The following GRM8 variants were observed in gnomAD, a reference collection of about 807,000 sequenced individuals.
GRM8 encodes the protein metabotropic glutamate receptor 8.
GRM8 carries 47 observed loss-of-function variants against 87.2 expected under a neutral mutation model. That is an observed-to-expected ratio of 0.54 (90% CI 0.43 to 0.69). The LOEUF (loss-of-function observed/expected upper bound fraction) is 0.69. Ranked by LOEUF, GRM8 falls within the 30% of genes least tolerant of loss-of-function variation. GRM8 has a pLI of 0.00. For synonymous variants in GRM8, 396 were observed against 404.5 expected, an observed-to-expected ratio of 0.98 and a Z score of 0.25; for missense variants, 1,019 against 1,139.2, an observed-to-expected ratio of 0.89 and a Z score of 1.52.
At chr7:126,735,232 G>A (rs572749196) in intron 7 of GRM8, among the ~76,000 whole-genome samples, 50 of 152,012 alleles carry the variant, frequency 3.3e-4, no homozygotes, top group Non-Finnish European at 4.9e-4. Context: ...TTCTCAAAGA[G>A]ATTTTGACAA....
chr7:126,746,133 A>G (rs570454207), intron 7 of GRM8, among the ~76,000 whole-genome samples: 1 of 151,942 alleles, frequency 6.6e-6, no homozygotes, highest in African/African-American at 2.4e-5. Flanking sequence ...CACCAGGGAA[A>G]ATATCAAAAT....
intron 3 of GRM8, among the ~76,000 whole-genome samples, chr7:127,045,200 A>G (rs1026086050): frequency 9.2e-5 from 14 of 152,174 alleles, no homozygotes; most frequent in Non-Finnish European, 1.5e-4. Context: ...GCACTTATCA[A>G]CTTTGAACAT....
chr7:126,573,725 C>T (rs905033899), intron 8 of GRM8, among the ~76,000 whole-genome samples: 1 of 151,976 alleles, frequency 6.6e-6, no homozygotes, highest in Non-Finnish European at 1.5e-5. Flanking sequence ...GCTTGGACTA[C>T]AGGGAGTGTG....
At chr7:126,624,329 T>C (rs548422636) in intron 7 of GRM8, among the ~76,000 whole-genome samples, 1 of 152,312 alleles carries the variant, frequency 6.6e-6, no homozygotes, top group East Asian at 1.9e-4. Flanking sequence ...GGTTGCTCTC[T>C]CTCAGGGATT....
intron 3 of GRM8, among the ~76,000 whole-genome samples, chr7:126,962,973 A>G (rs1809469858): frequency 6.6e-6 from 1 of 152,144 alleles, no homozygotes; most frequent in African/African-American, 2.4e-5. Context: ...TTCTCTTCCT[A>G]TATGTCTCTG....
chr7:126,453,968 A>G (rs1584661755), intron 9 of GRM8, among the ~76,000 whole-genome samples: 2 of 151,776 alleles, frequency 1.3e-5, no homozygotes, highest in African/African-American at 4.8e-5. Flanking sequence ...TTCTGCTTCC[A>G]TGGTAACTTT....
At chr7:126,448,655 C>T (rs1387426047) in intron 9 of GRM8, among the ~76,000 whole-genome samples, 2 of 151,878 alleles carry the variant, frequency 1.3e-5, no homozygotes, top group Non-Finnish European at 2.9e-5. Flanking sequence ...TCATTGGACG[C>T]TATACTTTCA....
chr7:127,205,315 C>A (rs754728684), intron 2 of GRM8, among the ~76,000 whole-genome samples: 2 of 152,100 alleles, frequency 1.3e-5, no homozygotes, highest in East Asian at 3.8e-4. Context: ...TCATTCAAGG[C>A]GGTGAGATGG....
chr7:127,117,893 G>C (rs1054996855), intron 2 of GRM8, among the ~76,000 whole-genome samples: 1 of 152,194 alleles, frequency 6.6e-6, no homozygotes, highest in African/African-American at 2.4e-5. Flanking sequence ...TAAACTTTAA[G>C]CTGGCAAATA....
chr7:126,483,131 T>C (rs1236717909), intron 9 of GRM8, among the ~76,000 whole-genome samples: 3 of 147,980 alleles, frequency 2.0e-5, no homozygotes, highest in Admixed American at 1.4e-4. Context: ...ATATATAATA[T>C]ATATAATTAT....
chr7:126,596,735 C>T (rs1416734380), intron 8 of GRM8, among the ~76,000 whole-genome samples: 4 of 152,094 alleles, frequency 2.6e-5, no homozygotes, highest in Non-Finnish European at 5.9e-5. Context: ...AGCATATGCA[C>T]TCACACACAC....
chr7:126,870,475 TTTTA>T (rs2130894147), intron 6 of GRM8: 2 of 152,318 alleles, frequency 1.3e-5, no homozygotes, highest in South Asian at 4.1e-4. Flanking sequence ...TTTTCTGGTT[TTTTA>T]TTTAAAGTGA....
At chr7:127,074,007 A>C (rs961469321) in intron 3 of GRM8, among the ~76,000 whole-genome samples, 1 of 152,234 alleles carries the variant, frequency 6.6e-6, no homozygotes, top group East Asian at 1.9e-4. Context: ...TGTTTTCAGC[A>C]TTATAGAAGT....
chr7:127,162,371 CT>C (rs1314003314), intron 2 of GRM8, among the ~76,000 whole-genome samples: 3 of 152,190 alleles, frequency 2.0e-5, no homozygotes, highest in Non-Finnish European at 4.4e-5. Flanking sequence ...CCGTTCAGGG[CT>C]TTTTCCCACT....
chr7:126,698,635 C>T (rs1585570742), intron 7 of GRM8, among the ~76,000 whole-genome samples: 1 of 152,136 alleles, frequency 6.6e-6, no homozygotes, highest in Non-Finnish European at 1.5e-5. Context: ...GACCGTGAAA[C>T]CTTTCCTAAT....
At chr7:126,712,232 A>T (rs1322704188) in intron 7 of GRM8, among the ~76,000 whole-genome samples, 1 of 152,166 alleles carries the variant, frequency 6.6e-6, no homozygotes, top group African/African-American at 2.4e-5. Flanking sequence ...AGGCCCAAAG[A>T]GAGAAAGAGA....
chr7:127,030,838 G>A (rs1024333852), intron 3 of GRM8, among the ~76,000 whole-genome samples: 1 of 152,040 alleles, frequency 6.6e-6, no homozygotes, highest in East Asian at 1.9e-4. Context: ...AAATGTTCTT[G>A]GATAGAAAGG....
chr7:126,444,449 A>C (rs1479794870), intron 10 of GRM8, among the ~76,000 whole-genome samples: 1 of 152,086 alleles, frequency 6.6e-6, no homozygotes, highest in Non-Finnish European at 1.5e-5. Flanking sequence ...AGAAAGGTGA[A>C]TATGTGGAGG....
chr7:126,817,476 GT>G (rs1359704409), intron 6 of GRM8, among the ~76,000 whole-genome samples: 1 of 152,024 alleles, frequency 6.6e-6, no homozygotes, highest in Non-Finnish European at 1.5e-5. Context: ...ATATTTACCA[GT>G]TCCCTTAGAA....
Sources: allele counts gnomAD v4.1 joint callset (sites outside exome capture counted in the v4.1 genomes callset), GRCh38; gene constraint gnomAD v4.1.1; transcripts MANE v1.5; gene names NCBI Gene and HGNC (gene_info 2026-07-23, HGNC 2026-07-21).